Variants in SLC22A15 observed in about 807,000 individuals in gnomAD.
SLC22A15 encodes solute carrier family 22 member 15, also known as flipt 1.
In SLC22A15, 45 loss-of-function variants were observed where a neutral mutation model predicts 62.7. The ratio of observed to expected loss-of-function variants is 0.72; its 90% confidence interval spans 0.56 to 0.92. SLC22A15 has a LOEUF of 0.92. SLC22A15 is among the 40% of genes least tolerant of loss of function. The probability of loss-of-function intolerance (pLI) is 0.00; values close to 1 mark genes in which losing one functional copy is unlikely to be tolerated. For missense variants in SLC22A15, 622 were observed against 665.6 expected (o/e 0.93, Z 0.72); for synonymous variants, 264 against 267.0 (o/e 0.99, Z 0.11).
intron 8 of SLC22A15, 162 bp downstream of exon 8, chr1:116,037,550 G>A: frequency 1.6e-6 from 1 of 607,638 alleles, no homozygotes; most frequent in Non-Finnish European, 2.9e-6. Flanking sequence ...CTTTGCTTCA[G>A]CTATTCTCTG....
At chr1:116,030,092 G>T (rs1200905552) in intron 5 of SLC22A15, among the ~76,000 whole-genome samples, 1 of 152,184 alleles carries the variant, frequency 6.6e-6, no homozygotes, top group East Asian at 1.9e-4. Flanking sequence ...TGGCAATGAA[G>T]AAGTAAATGG....
intron 6 of SLC22A15, chr1:116,032,438 C>T: frequency 6.1e-6 from 6 of 985,384 alleles, no homozygotes; most frequent in Non-Finnish European, 7.2e-6. Flanking sequence ...GCCATGAAGC[C>T]TGCATGGAGC....
intron 10 of SLC22A15, among the ~76,000 whole-genome samples, chr1:116,066,074 T>C (rs777064906): frequency 5.9e-5 from 9 of 152,176 alleles, no homozygotes; most frequent in African/African-American, 1.2e-4. Context: ...GTATATAGGA[T>C]GGTTTGGCCA....
chr1:116,036,638 T>C (rs1194003406), intron 7 of SLC22A15, among the ~76,000 whole-genome samples: 1 of 152,152 alleles, frequency 6.6e-6, no homozygotes, highest in African/African-American at 2.4e-5. Context: ...ATTATCAAAA[T>C]TATTGAGGTT....
intron 2 of SLC22A15, among the ~76,000 whole-genome samples, chr1:116,011,062 G>A (rs544552651): frequency 8.5e-5 from 13 of 152,290 alleles, no homozygotes; most frequent in African/African-American, 3.1e-4. Flanking sequence ...AGAAGGCTGT[G>A]TTGGGACTAG....
intron 2 of SLC22A15, among the ~76,000 whole-genome samples, chr1:116,018,836 G>A (rs1656677510): frequency 6.6e-6 from 1 of 152,122 alleles, no homozygotes; most frequent in Non-Finnish European, 1.5e-5. Context: ...ACAGTGATAT[G>A]GATACTAGAA....
At position 116,069,433 on chromosome 1, in the gene SLC22A15, G is replaced by A. The variant is rs186211976; in HGVS notation, c.*2325G>A. On this transcript the variant is annotated 3_prime_UTR_variant, in exon 12 of 12. Transcript: ENST00000369503. ...GACAGGTAATGTATTTTGGTTGTGC[G>A]GATGGTTTGTAAAAAGTATCCTGTT... 21 of 151,864 alleles carry A rather than the reference G, an allele frequency of 1.4e-4. No homozygotes were observed. The highest frequency in any genetic ancestry group is 6.6e-4 in the Admixed American group (10 of 15,234). 9.4% of individuals were successfully genotyped at this position (151,864 alleles called of 1,614,324 possible).
intron 1 of SLC22A15, among the ~76,000 whole-genome samples, chr1:115,984,854 A>T (rs893923935): frequency 2.0e-5 from 3 of 152,154 alleles, no homozygotes; most frequent in African/African-American, 7.2e-5. Context: ...AAAAATTTTT[A>T]AAAATAGAAA....
intron 2 of SLC22A15, among the ~76,000 whole-genome samples, chr1:115,997,743 G>T (rs756268766): frequency 3.3e-5 from 5 of 151,870 alleles, no homozygotes; most frequent in Non-Finnish European, 5.9e-5. Flanking sequence ...TGCAAACAAG[G>T]GTAATTTGAC....
rs149823115 is a variant in SLC22A15 at position 116,051,776 on chromosome 1, C to T, written c.1172-10986C>T. The stretch of plus-strand genomic sequence containing the variant: ...ATGTCCAGCAGCTGCTCGAGGTCCA[C>T]ACCGCGGTGATACATCCTCTTCACA... On this transcript the variant is annotated intron_variant, in intron 8 of 11. Coordinates refer to ENST00000369503, the MANE Select transcript of SLC22A15 (RefSeq NM_018420.3). Among the ~76,000 whole-genome samples the T allele has an allele frequency of 3.4e-3, 522 of 152,306 alleles. 5 individuals carry two copies. Among genetic ancestry groups the T allele is most frequent in the African/African-American group, 0.012 (478 of 41,560 alleles).
chr1:116,043,394 C>G (rs948089601), intron 8 of SLC22A15, among the ~76,000 whole-genome samples: 2 of 152,120 alleles, frequency 1.3e-5, no homozygotes, highest in African/African-American at 2.4e-5. Flanking sequence ...CCACTGCACT[C>G]TAGCCTGGGT....
chr1:115,983,088 G>A lies in SLC22A15; in HGVS notation c.87+6374G>A, dbSNP rs1267410625. On this transcript the variant is annotated intron_variant, in intron 1 of 11. Transcript: ENST00000369503. ...CCTTCTTTAGTTGTGTTTATCTAAG[G>A]AGAAAGTCTCATTTGGTGTTAGCAC... Among the ~76,000 whole-genome samples, 9 of 152,316 alleles carry A rather than the reference G, an allele frequency of 5.9e-5. No individual in the cohort carries two copies. The East Asian group carries it at 1.5e-3, about 26-fold the overall frequency.
chr1:116,055,546 G>C (rs12404683), intron 8 of SLC22A15, among the ~76,000 whole-genome samples: 141,921 of 146,802 alleles, frequency 0.97, 68,823 homozygotes, highest in East Asian at 1. Flanking sequence ...TCCTCCTTAA[G>C]TCATTTTATG....
chr1:116,059,137 G>T (rs1174046304), intron 8 of SLC22A15, among the ~76,000 whole-genome samples: 2 of 152,100 alleles, frequency 1.3e-5, no homozygotes, highest in Non-Finnish European at 2.9e-5. Flanking sequence ...AAACCACAGT[G>T]GGATGCCACA....
At chr1:116,031,756 C>G (rs1014542973) in intron 6 of SLC22A15, 175 bp downstream of exon 6, 3 of 1,430,848 alleles carry the variant, frequency 2.1e-6, no homozygotes, top group Admixed American at 2.9e-5. Flanking sequence ...TTGCGCAGCC[C>G]CGTCTTTCTC....
intron 8 of SLC22A15, among the ~76,000 whole-genome samples, chr1:116,052,788 G>A (rs1053886092): frequency 3.3e-5 from 5 of 152,266 alleles, no homozygotes; most frequent in Admixed American, 2.6e-4. Context: ...CTGATACCCA[G>A]GCAAACAGGG....
At chr1:116,057,648 G>A (rs1658251566) in intron 8 of SLC22A15, among the ~76,000 whole-genome samples, 1 of 152,152 alleles carries the variant, frequency 6.6e-6, no homozygotes, top group African/African-American at 2.4e-5. Flanking sequence ...CAAAGACTTG[G>A]AACCAACCCA....
At chr1:116,016,110 T>C (rs1656511746) in intron 2 of SLC22A15, among the ~76,000 whole-genome samples, 1 of 151,866 alleles carries the variant, frequency 6.6e-6, no homozygotes, top group African/African-American at 2.4e-5. Flanking sequence ...CTTTCTCTCC[T>C]TCTTTCTCTC....
Position 116,016,689 on chromosome 1 carries a change from C to CT in SLC22A15, c.301-2891dup, listed in dbSNP as rs375007058. On this transcript the variant is annotated intron_variant, in intron 2 of 11. Transcript: ENST00000369503. ...CCATGTACCTAACACCCCTTGCAGC[C>CT]TTCTCTGTCTTGATAAATGTCACAA... Among the ~76,000 whole-genome samples, 766 of 152,272 alleles carry CT rather than the reference C, an allele frequency of 5.0e-3. 9 individuals are homozygous for CT. Among genetic ancestry groups the CT allele is most frequent in the African/African-American group, 0.018 (735 of 41,550 alleles).
Sources: allele counts gnomAD v4.1 joint callset (sites outside exome capture counted in the v4.1 genomes callset), GRCh38; gene constraint gnomAD v4.1.1; transcripts MANE v1.5; gene names NCBI Gene and HGNC (gene_info 2026-07-23, HGNC 2026-07-21).